Variants in CHST11 observed in about 807,000 individuals in gnomAD.
The protein encoded by CHST11 is carbohydrate sulfotransferase 11, also known as C4S-1.
Under a neutral mutation model 30.4 loss-of-function variants are expected in CHST11, and 9 were observed. The observed-to-expected ratio is 0.30, with a 90% CI of 0.18 to 0.52. The LOEUF is 0.52. CHST11 is among the 20% of genes least tolerant of loss of function. CHST11 has a pLI of 0.97. For missense variants in CHST11, 348 were observed against 460.6 expected (o/e 0.76, Z 2.24); for synonymous variants, 152 against 187.8 (o/e 0.81, Z 1.56).
rs113066479 is a variant in CHST11, at chr12:104,585,586, C to G, written c.119-16320C>G. Reference sequence around the variant, plus strand: ...CTACTAGGTAGGCAAATTGTTCTCCCCATTTTATAGGTGAGATAACTGAGG... The same window carrying G: ...CTACTAGGTAGGCAAATTGTTCTCCGCATTTTATAGGTGAGATAACTGAGG... On this transcript the variant is annotated intron_variant, in intron 1 of 2. Coordinates refer to ENST00000303694, the MANE Select transcript of CHST11 (RefSeq NM_018413.6). 1.2e-3 allele frequency among the ~76,000 whole-genome samples: 181 copies of G among 152,292 alleles called. 1 individual carries two copies. Among genetic ancestry groups the G allele is most frequent in the African/African-American group, 4.1e-3 (172 of 41,552 alleles).
At chr12:104,659,590 A>G (rs568191353) in intron 2 of CHST11, among the ~76,000 whole-genome samples, 32 of 152,298 alleles carry the variant, frequency 2.1e-4, no homozygotes, top group South Asian at 4.1e-4. Context: ...AATGTAAATG[A>G]TCTCATGAAT....
At chr12:104,661,734 G>T (rs193208757) in intron 2 of CHST11, among the ~76,000 whole-genome samples, 1 of 152,296 alleles carries the variant, frequency 6.6e-6, no homozygotes, top group East Asian at 1.9e-4. Flanking sequence ...AGGTGCTCCT[G>T]TCTTTGACCA....
At chr12:104,541,128 T>TCACACACACA (rs1337626764) in intron 1 of CHST11, among the ~76,000 whole-genome samples, 1 of 141,000 alleles carries the variant, frequency 7.1e-6, no homozygotes, top group African/African-American at 2.7e-5. Context: ...TCTCTCTCTC[T>TCACACACACA]CTCACACACA....
intron 2 of CHST11, among the ~76,000 whole-genome samples, chr12:104,655,601 C>A (rs1455721970): frequency 6.6e-6 from 1 of 152,238 alleles, no homozygotes; most frequent in Non-Finnish European, 1.5e-5. Flanking sequence ...TGCCTCACTC[C>A]TTGTTGCTCA....
intron 2 of CHST11, among the ~76,000 whole-genome samples, chr12:104,683,369 G>A (rs190940409): frequency 2.6e-5 from 4 of 152,210 alleles, no homozygotes; most frequent in East Asian, 1.9e-4. Context: ...AAATGAGGCC[G>A]GGCTTATACT....
At chr12:104,556,917 G>GCTCACTGTAGC (rs2136013536) in intron 1 of CHST11, among the ~76,000 whole-genome samples, 1 of 151,188 alleles carries the variant, frequency 6.6e-6, no homozygotes, top group East Asian at 2.0e-4. Context: ...GGAGGTGGAG[G>GCTCACTGTAGC]CTACAGTGAG....
At chr12:104,473,053 A>G (rs1377810110) in intron 1 of CHST11, among the ~76,000 whole-genome samples, 3 of 152,120 alleles carry the variant, frequency 2.0e-5, no homozygotes, top group African/African-American at 7.2e-5. Flanking sequence ...GGTACCAGGG[A>G]GCCACAGAAG....
intron 2 of CHST11, among the ~76,000 whole-genome samples, chr12:104,714,952 C>A (rs1418971680): frequency 6.6e-6 from 1 of 152,214 alleles, no homozygotes; most frequent in Admixed American, 6.5e-5. Context: ...GCTGGGGTAG[C>A]TGACCTCGAG....
At chr12:104,544,263 A>G (rs1592754878) in intron 1 of CHST11, among the ~76,000 whole-genome samples, 2 of 152,148 alleles carry the variant, frequency 1.3e-5, no homozygotes, top group Non-Finnish European at 2.9e-5. Flanking sequence ...TTGGTCAACT[A>G]TACTGTCTAG....
At chr12:104,489,284 G>T (rs931047095) in intron 1 of CHST11, among the ~76,000 whole-genome samples, 2 of 152,204 alleles carry the variant, frequency 1.3e-5, no homozygotes, top group Middle Eastern at 3.4e-3. Context: ...TGATCTGCCT[G>T]CCTCGGCCTC....
At chr12:104,657,320 G>T (rs2039554275) in intron 2 of CHST11, among the ~76,000 whole-genome samples, 1 of 152,196 alleles carries the variant, frequency 6.6e-6, no homozygotes, top group Non-Finnish European at 1.5e-5. Flanking sequence ...TTAAGTTATT[G>T]TCAGCGATTT....
At position 104,457,467 on chromosome 12, in the gene CHST11, T is replaced by G. The variant is rs191879618; in HGVS notation, c.56T>G (p.Leu19Arg). 1 of 1,614,240 alleles carries G rather than the reference T, an allele frequency of 6.2e-7. No individual in the cohort carries two copies. The highest frequency in any genetic ancestry group is 1.1e-5 in the South Asian group (1 of 91,090). ...MRMNRICRMVLATCLGSFILV... is the reference protein window; with the variant it reads ...MRMNRICRMVRATCLGSFILV... ...ATGAACAGAATCTGCCGGATGGTGC[T>G]GGCCACTTGCTTGGGATCCTTTATC... is the stretch of plus-strand genomic sequence containing the variant. Residue 19 changes from leucine (L) to arginine (R), a missense_variant, in exon 1 of 3, where the codon CTG (leucine) becomes CGG (arginine). Leu to Arg is a moderately radical substitution (Grantham distance 102). Coordinates refer to ENST00000303694, the MANE Select transcript of CHST11 (RefSeq NM_018413.6).
At chr12:104,482,835 A>C (rs1471910779) in intron 1 of CHST11, among the ~76,000 whole-genome samples, 4 of 152,138 alleles carry the variant, frequency 2.6e-5, no homozygotes, top group African/African-American at 9.7e-5. Flanking sequence ...TAAGACTTTA[A>C]TGTCTTAAAA....
chr12:104,519,639 G>C (rs1424076346), intron 1 of CHST11, among the ~76,000 whole-genome samples: 1 of 152,184 alleles, frequency 6.6e-6, no homozygotes, highest in East Asian at 1.9e-4. Context: ...TCCCAGCGAA[G>C]TGACCCCAGG....
chr12:104,736,195 A>G (rs985052053), intron 2 of CHST11, among the ~76,000 whole-genome samples: 4 of 152,162 alleles, frequency 2.6e-5, no homozygotes, highest in Non-Finnish European at 5.9e-5. Flanking sequence ...CCCTTCCCCA[A>G]AGTTCCCCCT....
chr12:104,668,067 G>T (rs1193597375), intron 2 of CHST11, among the ~76,000 whole-genome samples: 1 of 145,108 alleles, frequency 6.9e-6, no homozygotes, highest in Non-Finnish European at 1.5e-5. Flanking sequence ...TTCCAATCCC[G>T]GTACCACCCC....
At chr12:104,546,749 A>C (rs909085363) in intron 1 of CHST11, among the ~76,000 whole-genome samples, 2 of 152,116 alleles carry the variant, frequency 1.3e-5, no homozygotes, top group Non-Finnish European at 2.9e-5. Flanking sequence ...TCTTTTCCCC[A>C]CTGGACAAAA....
intron 2 of CHST11, among the ~76,000 whole-genome samples, chr12:104,612,933 G>A (rs1255878104): frequency 6.6e-6 from 1 of 152,132 alleles, no homozygotes; most frequent in African/African-American, 2.4e-5. Flanking sequence ...AGTAAGATAC[G>A]GAATCAGGCT....
chr12:104,661,292 C>T (rs922037801), intron 2 of CHST11, among the ~76,000 whole-genome samples: 1 of 152,090 alleles, frequency 6.6e-6, no homozygotes, highest in Non-Finnish European at 1.5e-5. Context: ...TTTGGAAGGG[C>T]GAGGCGGGTA....
Sources: gnomAD v4.1 joint callset for allele counts (sites outside exome capture counted in the v4.1 genomes callset) on GRCh38, gnomAD v4.1.1 for gene constraint, MANE v1.5 for transcripts, NCBI Gene and HGNC (gene_info 2026-07-23, HGNC 2026-07-21) for gene names.